DIAPH2: variants seen among roughly 807,000 people sequenced by gnomAD.
DIAPH2 encodes protein diaphanous homolog 2.
In DIAPH2, 35 loss-of-function variants were observed where a neutral mutation model predicts 92.7. That is an observed-to-expected ratio of 0.38 (90% CI 0.29 to 0.50). The LOEUF is 0.50. Ranked by LOEUF, DIAPH2 falls within the 20% of genes least tolerant of loss-of-function variation. DIAPH2 has a pLI of 0.94. For synonymous variants in DIAPH2, 301 were observed against 280.4 expected (o/e 1.07, Z -0.73); for missense variants, 701 against 819.5 (o/e 0.86, Z 1.77).
chrX:97,300,251 A>G (rs2068681927), intron 23 of DIAPH2, among the ~76,000 whole-genome samples: 1 of 111,820 alleles, frequency 8.9e-6, no homozygotes, highest in South Asian at 3.7e-4. Flanking sequence ...GTAGCAATTC[A>G]TGGAATACGT....
chrX:96,751,955 C>A (rs2064196930), intron 3 of DIAPH2, among the ~76,000 whole-genome samples: 1 of 110,975 alleles, frequency 9.0e-6, no homozygotes, highest in African/African-American at 3.3e-5. Context: ...GCCCGGCCGA[C>A]TTCAGTGTTT....
intron 17 of DIAPH2, among the ~76,000 whole-genome samples, chrX:97,016,630 T>C (rs774997456): frequency 1.8e-4 from 20 of 112,052 alleles, no homozygotes; most frequent in African/African-American, 6.5e-4. Context: ...GTAGCCACTG[T>C]TTCCAGAATG....
At chrX:97,218,379 C>T (rs1047660782) in intron 22 of DIAPH2, among the ~76,000 whole-genome samples, 3 of 111,523 alleles carry the variant, frequency 2.7e-5, no homozygotes, top group Non-Finnish European at 3.8e-5. Context: ...CATGAGCCAC[C>T]GCGCCCAGCC....
At chrX:97,095,814 A>G (rs2066864631) in intron 19 of DIAPH2, among the ~76,000 whole-genome samples, 1 of 112,235 alleles carries the variant, frequency 8.9e-6, no homozygotes. Context: ...TCCTTCACTT[A>G]ACACTGACAA....
intron 4 of DIAPH2, among the ~76,000 whole-genome samples, chrX:96,798,138 A>C (rs1482693706): frequency 1.8e-5 from 2 of 112,469 alleles, no homozygotes; most frequent in Non-Finnish European, 3.8e-5. Context: ...TTCCGTTCTT[A>C]AATTCGTTGG....
At chrX:96,852,128 T>C (rs1455264626) in intron 4 of DIAPH2, among the ~76,000 whole-genome samples, 3 of 112,548 alleles carry the variant, frequency 2.7e-5, no homozygotes, top group Non-Finnish European at 3.7e-5. Context: ...AAAATGTTAA[T>C]TTATTTCAAT....
At chrX:97,447,448 A>G (rs1321773655) in intron 26 of DIAPH2, among the ~76,000 whole-genome samples, 1 of 111,739 alleles carries the variant, frequency 8.9e-6, no homozygotes, top group Non-Finnish European at 1.9e-5. Flanking sequence ...TGCCTTAGTC[A>G]GGGTTTTAAA....
At chrX:96,882,967 AAAAAAAAAAAAAAAAACAAAAAAAC>A (rs1383756902) in intron 5 of DIAPH2, among the ~76,000 whole-genome samples, 1 of 76,769 alleles carries the variant, frequency 1.3e-5, no homozygotes. Flanking sequence ...TCCAAAAAAA[AAAAAAAAAAAAAAAAACAAAAAAAC>A]AAAAATCCGG....
At chrX:97,469,399 G>A (rs751448454) in intron 26 of DIAPH2, among the ~76,000 whole-genome samples, 1 of 111,894 alleles carries the variant, frequency 8.9e-6, no homozygotes, top group South Asian at 3.8e-4. Flanking sequence ...ACTTTCCAAA[G>A]AAACAAGCAA....
chrX:96,914,564 T>C (rs1490992232), intron 7 of DIAPH2, among the ~76,000 whole-genome samples: 1 of 111,307 alleles, frequency 9.0e-6, no homozygotes, highest in Non-Finnish European at 1.9e-5. Context: ...TTCTAAATTC[T>C]TATTGACTCA....
Position 96,958,139 on chromosome X carries a change from T to C in DIAPH2, c.1926T>C (p.Asn642=), listed in dbSNP as rs770176872. 1.9e-5 allele frequency: 23 copies of C among 1,206,972 alleles called. No individual in the cohort carries two copies. In the South Asian group the frequency reaches 2.3e-4, roughly 12 times the overall value. The change falls in exon 16 of 27, where the codon AAT becomes AAC. Residue 642 remains asparagine, a synonymous_variant. Transcript: ENST00000324765. ...CTGAAGTGTCCATGAAGAGAATCAA[T>C]TGGTCAAAGGTAATACTAAAACTAG... ...YKPEVSMKRI[N]WSKIEPTELS... is the part of the protein sequence containing the mutation.
intron 23 of DIAPH2, among the ~76,000 whole-genome samples, chrX:97,322,283 C>A (rs1285118789): frequency 7.2e-5 from 8 of 111,858 alleles, no homozygotes; most frequent in Non-Finnish European, 1.3e-4. Context: ...ATTTTTAATG[C>A]AATTTAAAAA....
intron 21 of DIAPH2, among the ~76,000 whole-genome samples, chrX:97,136,893 A>AAGTATATC (rs888816361): frequency 4.0e-4 from 44 of 110,288 alleles, no homozygotes; most frequent in African/African-American, 1.4e-3. Context: ...TTATCATTTT[A>AAGTATATC]AGTATATCAG....
chrX:97,065,111 T>C (rs2066625573), intron 17 of DIAPH2, among the ~76,000 whole-genome samples: 1 of 111,672 alleles, frequency 9.0e-6, no homozygotes, highest in Non-Finnish European at 1.9e-5. Flanking sequence ...GATATGCCTT[T>C]CTTAGTACTT....
intron 1 of DIAPH2, among the ~76,000 whole-genome samples, chrX:96,687,202 G>A (rs2063775234): frequency 1.8e-5 from 2 of 111,814 alleles, no homozygotes; most frequent in South Asian, 7.3e-4. Flanking sequence ...TTACTGAGTA[G>A]GGAAGAAGGG....
chrX:97,159,929 TCATATGCC>T (rs2067354700), intron 22 of DIAPH2, among the ~76,000 whole-genome samples: 1 of 111,196 alleles, frequency 9.0e-6, no homozygotes, highest in Non-Finnish European at 1.9e-5. Flanking sequence ...ACTGCCAGCT[TCATATGCC>T]CACTGTGCAG....
chrX:97,193,634 A>AT (rs1490066861), intron 22 of DIAPH2, among the ~76,000 whole-genome samples: 2 of 112,044 alleles, frequency 1.8e-5, no homozygotes, highest in Non-Finnish European at 3.8e-5. Flanking sequence ...TGGAAAAGCG[A>AT]TTTCATTTTC....
At position 96,869,014 on chromosome X, in the gene DIAPH2, G is replaced by A. The variant is rs116113668; in HGVS notation, c.448-12565G>A. Among the ~76,000 whole-genome samples the A allele has an allele frequency of 7.1e-3, 791 of 111,945 alleles. 3 individuals carry two copies. The highest frequency in any genetic ancestry group is 0.024 in the African/African-American group (736 of 30,833). On this transcript the variant is annotated intron_variant, in intron 4 of 26. Coordinates refer to ENST00000324765, the MANE Select transcript of DIAPH2 (RefSeq NM_006729.5). ...CATATTCCAAATCATAGATTCAACAGGGCAGGACCTTTGGGATCATCTAGC... is the reference window on the plus strand; with the variant it reads ...CATATTCCAAATCATAGATTCAACAAGGCAGGACCTTTGGGATCATCTAGC...
chrX:97,329,248 T>G (rs1464073460), intron 23 of DIAPH2, among the ~76,000 whole-genome samples: 2 of 112,401 alleles, frequency 1.8e-5, no homozygotes, highest in Non-Finnish European at 3.7e-5. Context: ...TCTAACATTT[T>G]GGCACATTTT....
Sources: gnomAD v4.1 joint callset for allele counts (sites outside exome capture counted in the v4.1 genomes callset) on GRCh38, gnomAD v4.1.1 for gene constraint, MANE v1.5 for transcripts, NCBI Gene and HGNC (gene_info 2026-07-23, HGNC 2026-07-21) for gene names.